The following KALRN variants were observed in gnomAD, a reference collection of about 807,000 sequenced individuals.
The protein encoded by KALRN is kalirin RhoGEF kinase, also known as kalirin.
A neutral mutation model predicts 353.7 loss-of-function variants in KALRN; 70 were observed. The ratio of observed to expected loss-of-function variants is 0.20; its 90% CI spans 0.16 to 0.24. The LOEUF is 0.24. Among genes scored for constraint, KALRN ranks in the 10% least tolerant of loss-of-function variants. The probability of loss-of-function intolerance (pLI) is 1.00; values close to 1 mark genes in which losing one functional copy is unlikely to be tolerated. For synonymous variants in KALRN, 1,391 were observed against 1,434.8 expected, an observed-to-expected ratio of 0.97 and a Z score of 0.69; for missense variants, 2,791 against 3,756.7, an observed-to-expected ratio of 0.74 and a Z score of 6.72.
At chr3:124,656,254 A>C (rs1041662775) in intron 39 of KALRN, among the ~76,000 whole-genome samples, 2 of 151,996 alleles carry the variant, frequency 1.3e-5, no homozygotes, top group African/African-American at 4.8e-5. Context: ...AGCCTGAGAA[A>C]GTAAATGGGT....
In KALRN at chr3:124,413,646, C is replaced by T. The variant is rs371657947; in HGVS notation, c.2523C>T (p.Ile841=). 20 of 1,613,716 alleles carry T rather than the reference C, an allele frequency of 1.2e-5. No individual in the cohort carries two copies. Among genetic ancestry groups the T allele is most frequent in the Non-Finnish European group, 1.6e-5 (19 of 1,179,882 alleles). Reference sequence around the variant, plus strand: ...AGGGACAGGATCTGCACCAGTACATCACGGAGGTCCAGGCATCAGGTGGGT... The same window carrying T: ...AGGGACAGGATCTGCACCAGTACATTACGGAGGTCCAGGCATCAGGTGGGT... ...IQQGQDLHQY[I]TEVQASGIEL... The change falls in exon 14 of 60, where the codon ATC becomes ATT. Residue 841 remains isoleucine (I), a synonymous_variant. Coordinates refer to ENST00000682506, the MANE Select transcript of KALRN (RefSeq NM_001388419.1).
chr3:124,047,783 A>G (rs1158150124), intron 1 of KALRN, among the ~76,000 whole-genome samples: 1 of 151,832 alleles, frequency 6.6e-6, no homozygotes, highest in East Asian at 1.9e-4. Flanking sequence ...GATTACAGGC[A>G]TGAGCCACGG....
intron 3 of KALRN, among the ~76,000 whole-genome samples, chr3:124,259,315 A>C (rs2072511691): frequency 2.0e-5 from 3 of 152,166 alleles, no homozygotes; most frequent in African/African-American, 7.2e-5. Flanking sequence ...GCATCAGCTA[A>C]AGCAAGTATT....
chr3:124,190,842 A>G (rs2074820370), intron 1 of KALRN, among the ~76,000 whole-genome samples: 1 of 152,196 alleles, frequency 6.6e-6, no homozygotes, highest in Non-Finnish European at 1.5e-5. Context: ...ATTAAATTCA[A>G]TTCTGACATT....
chr3:124,558,759 T>C (rs1235615328), intron 33 of KALRN, among the ~76,000 whole-genome samples: 2 of 152,192 alleles, frequency 1.3e-5, no homozygotes, highest in Non-Finnish European at 2.9e-5. Context: ...GGTCACACAG[T>C]TGGTGAGGAG....
chr3:124,409,601 T>C (rs1234012362), intron 13 of KALRN, among the ~76,000 whole-genome samples: 3 of 152,146 alleles, frequency 2.0e-5, no homozygotes, highest in Non-Finnish European at 2.9e-5. Flanking sequence ...CATCAGCAAG[T>C]AAACCATCTG....
At chr3:124,153,274 C>G (rs1281498563) in intron 1 of KALRN, among the ~76,000 whole-genome samples, 5 of 103,372 alleles carry the variant, frequency 4.8e-5, no homozygotes, top group African/African-American at 1.5e-4. Flanking sequence ...CCCCTCCCCC[C>G]ACCCCACAAC....
chr3:124,475,496 G>A (rs1037852868), intron 26 of KALRN, among the ~76,000 whole-genome samples: 5 of 152,190 alleles, frequency 3.3e-5, no homozygotes, highest in Non-Finnish European at 7.3e-5. Context: ...GACACTGAGT[G>A]CAAACATGGA....
At chr3:124,661,175 C>T (rs1451103679) in intron 44 of KALRN, among the ~76,000 whole-genome samples, 2 of 152,142 alleles carry the variant, frequency 1.3e-5, no homozygotes, top group Non-Finnish European at 2.9e-5. Context: ...AGAAATCTGT[C>T]CTGGGGTGCA....
chr3:124,671,730 G>C lies in KALRN; in HGVS notation c.6774G>C (p.Arg2258Ser), dbSNP rs746462251. Residue 2258 changes from arginine to serine, a missense_variant, in exon 48 of 60, where the codon AGG (arginine) becomes AGC (serine). By Grantham distance (110) the Arg-to-Ser change is moderately radical (BLOSUM62 -1). Coordinates refer to ENST00000682506, the MANE Select transcript of KALRN (RefSeq NM_001388419.1). ...STAVMRSQPA[R>S]LPQASPRPYS... ...CTGTGATGAGGTCTCAACCTGCCAG[G>C]CTTCCCCAAGCCAGCCCCAGGCCCT... is the stretch of plus-strand genomic sequence containing the variant. The C allele has an allele frequency of 1.9e-6, 3 of 1,613,984 alleles. No homozygotes were observed. The highest frequency in any genetic ancestry group is 1.3e-5 in the African/African-American group (1 of 74,890).
At chr3:124,637,395 G>A in intron 37 of KALRN, 92 bp downstream of exon 37, 1 of 918,082 alleles carries the variant, frequency 1.1e-6, no homozygotes, top group Non-Finnish European at 1.8e-6. Flanking sequence ...CTTTGCACCT[G>A]TCCTCATTCT....
intron 56 of KALRN, 134 bp downstream of exon 56, chr3:124,700,167 T>C: frequency 4.8e-6 from 4 of 837,208 alleles, no homozygotes; most frequent in Non-Finnish European, 3.8e-6. Context: ...AGAAGAATGT[T>C]TCTGTAAAGT....
intron 53 of KALRN, 28 bp downstream of exon 53, chr3:124,694,531 C>T (rs371990892): frequency 2.5e-6 from 4 of 1,603,842 alleles, no homozygotes; most frequent in Non-Finnish European, 3.4e-6. Flanking sequence ...ACATCAGCAA[C>T]AGCAGCCCCT....
intron 1 of KALRN, among the ~76,000 whole-genome samples, chr3:124,055,622 A>C (rs1014547809): frequency 6.6e-6 from 1 of 152,210 alleles, no homozygotes; most frequent in African/African-American, 2.4e-5. Context: ...TCCTATGAGA[A>C]GGACCAAGGC....
intron 1 of KALRN, among the ~76,000 whole-genome samples, chr3:124,149,749 A>G (rs1432100532): frequency 6.6e-6 from 1 of 152,206 alleles, no homozygotes; most frequent in Non-Finnish European, 1.5e-5. Context: ...GGTATCTAGG[A>G]AACTCTGAAA....
chr3:124,271,842 T>C (rs552620512), intron 5 of KALRN, among the ~76,000 whole-genome samples: 1 of 152,366 alleles, frequency 6.6e-6, no homozygotes, highest in South Asian at 2.1e-4. Context: ...GTGAAGCATA[T>C]GGACCCCTTC....
chr3:124,711,104 G>T (rs1207088017), intron 57 of KALRN, among the ~76,000 whole-genome samples: 1 of 152,132 alleles, frequency 6.6e-6, no homozygotes, highest in African/African-American at 2.4e-5. Context: ...TTTGCTTACT[G>T]TGCCAAGAAT....
chr3:124,232,971 G>A (rs1053114833), intron 2 of KALRN, among the ~76,000 whole-genome samples: 1 of 152,056 alleles, frequency 6.6e-6, no homozygotes, highest in Non-Finnish European at 1.5e-5. Context: ...ATGGTGAATA[G>A]GAAGTTTGGA....
At chr3:124,424,262 T>C (rs1034870165) in intron 15 of KALRN, among the ~76,000 whole-genome samples, 2 of 151,964 alleles carry the variant, frequency 1.3e-5, no homozygotes, top group Non-Finnish European at 2.9e-5. Context: ...TTTTAAACAT[T>C]TTTTTTTCTT....
Sources: gnomAD v4.1 joint callset for allele counts (sites outside exome capture counted in the v4.1 genomes callset) on GRCh38, gnomAD v4.1.1 for gene constraint, MANE v1.5 for transcripts, NCBI Gene and HGNC (gene_info 2026-07-23, HGNC 2026-07-21) for gene names.